The following NTM variants were observed in gnomAD, a reference collection of about 807,000 sequenced individuals.
The protein encoded by NTM is neurotrimin, also known as IgLON family member 2.
A neutral mutation model predicts 42.1 loss-of-function variants in NTM; 13 were observed. That is an observed-to-expected ratio of 0.31 (90% confidence interval 0.20 to 0.49). NTM has a LOEUF of 0.49. NTM is among the 20% of genes least tolerant of loss of function. NTM has a pLI of 0.99. For missense variants in NTM, 373 were observed against 452.8 expected (o/e 0.82, Z 1.60); for synonymous variants, 187 against 179.2 (o/e 1.04, Z -0.35).
intron 2 of NTM, among the ~76,000 whole-genome samples, chr11:132,115,127 G>A (rs961086483): frequency 1.3e-5 from 2 of 152,178 alleles, no homozygotes; most frequent in Non-Finnish European, 2.9e-5. Flanking sequence ...GAGTAGACTA[G>A]TGGTTGCCTA....
At chr11:131,412,704 G>T (rs1946552750) in intron 1 of NTM, among the ~76,000 whole-genome samples, 1 of 152,138 alleles carries the variant, frequency 6.6e-6, no homozygotes, top group Non-Finnish European at 1.5e-5. Context: ...TACAGTATTG[G>T]TGCTTAGCTT....
At chr11:131,397,326 T>A (rs117642747) in intron 1 of NTM, among the ~76,000 whole-genome samples, 11 of 152,112 alleles carry the variant, frequency 7.2e-5, no homozygotes, top group Non-Finnish European at 1.6e-4. Flanking sequence ...AGATAGCAGA[T>A]GCCTCATCAA....
At chr11:131,449,265 G>A (rs937462410) in intron 1 of NTM, among the ~76,000 whole-genome samples, 4 of 152,176 alleles carry the variant, frequency 2.6e-5, no homozygotes, top group Non-Finnish European at 5.9e-5. Flanking sequence ...GGCTGTAGGC[G>A]GGCATGGGTG....
At chr11:132,258,754 A>G (rs952251558) in intron 4 of NTM, among the ~76,000 whole-genome samples, 1 of 152,224 alleles carries the variant, frequency 6.6e-6, no homozygotes, top group South Asian at 2.1e-4. Context: ...ACAAGTAAGC[A>G]GGGACACCAC....
At chr11:132,007,094 G>T (rs1351686032) in intron 2 of NTM, among the ~76,000 whole-genome samples, 1 of 152,304 alleles carries the variant, frequency 6.6e-6, no homozygotes. Flanking sequence ...GATGAAAAAA[G>T]CTCCTCCCTG....
At chr11:131,598,331 C>T (rs971881042) in intron 1 of NTM, among the ~76,000 whole-genome samples, 3 of 152,168 alleles carry the variant, frequency 2.0e-5, no homozygotes, top group East Asian at 3.8e-4. Flanking sequence ...GGTAAATTTC[C>T]GTGTTCCCAA....
At chr11:132,165,445 C>T (rs2075123599) in intron 3 of NTM, among the ~76,000 whole-genome samples, 2 of 152,166 alleles carry the variant, frequency 1.3e-5, no homozygotes, top group Admixed American at 6.5e-5. Context: ...TATTGCCTTC[C>T]TACAGCCTGT....
At chr11:131,775,360 G>A (rs113449634) in intron 1 of NTM, among the ~76,000 whole-genome samples, 7 of 152,236 alleles carry the variant, frequency 4.6e-5, no homozygotes, top group African/African-American at 1.7e-4. Context: ...TTTTTGCTGT[G>A]CATATCACTT....
chr11:131,991,989 CT>C (rs1468319955), intron 2 of NTM, among the ~76,000 whole-genome samples: 1 of 152,162 alleles, frequency 6.6e-6, no homozygotes, highest in Non-Finnish European at 1.5e-5. Context: ...TGGAAACCTA[CT>C]CAATCTAACT....
At chr11:131,864,220 G>T (rs953239614) in intron 1 of NTM, among the ~76,000 whole-genome samples, 1 of 152,204 alleles carries the variant, frequency 6.6e-6, no homozygotes, top group Admixed American at 6.5e-5. Context: ...GGGGAGAAAA[G>T]CAATCCAACG....
At chr11:132,029,957 C>T (rs550139382) in intron 2 of NTM, among the ~76,000 whole-genome samples, 2 of 152,292 alleles carry the variant, frequency 1.3e-5, no homozygotes, top group African/African-American at 2.4e-5. Context: ...TATAACTAAG[C>T]TATCATCCTT....
chr11:131,821,605 A>G (rs2093190952), intron 1 of NTM, among the ~76,000 whole-genome samples: 1 of 152,246 alleles, frequency 6.6e-6, no homozygotes, highest in Non-Finnish European at 1.5e-5. Context: ...AGAATCACGT[A>G]AACAAAGCAA....
At chr11:131,710,157 C>T (rs1023568789) in intron 1 of NTM, among the ~76,000 whole-genome samples, 1 of 152,126 alleles carries the variant, frequency 6.6e-6, no homozygotes, top group Non-Finnish European at 1.5e-5. Context: ...TTCACTGGTG[C>T]CAGATACCAG....
chr11:131,691,978 G>A (rs544357387), intron 1 of NTM, among the ~76,000 whole-genome samples: 45 of 152,346 alleles, frequency 3.0e-4, no homozygotes, highest in African/African-American at 1.0e-3. Flanking sequence ...TCCTGGATGG[G>A]ACTGCGGGCA....
At chr11:132,173,180 G>A (rs914143577) in intron 3 of NTM, among the ~76,000 whole-genome samples, 46 of 152,196 alleles carry the variant, frequency 3.0e-4, no homozygotes, top group African/African-American at 1.0e-3. Context: ...GAGACAACAT[G>A]TAATAATACA....
intron 1 of NTM, among the ~76,000 whole-genome samples, chr11:131,751,173 C>T (rs2082455499): frequency 6.6e-6 from 1 of 152,180 alleles, no homozygotes; most frequent in Non-Finnish European, 1.5e-5. Context: ...AGGTGGCTCA[C>T]ACTTGTAATC....
At chr11:131,764,243 T>G (rs1324329042) in intron 1 of NTM, among the ~76,000 whole-genome samples, 1 of 152,212 alleles carries the variant, frequency 6.6e-6, no homozygotes, top group Non-Finnish European at 1.5e-5. Context: ...CATTTGGTAC[T>G]CAGCAGTGGG....
intron 7 of NTM, among the ~76,000 whole-genome samples, chr11:132,325,074 A>G (rs976587117): frequency 3.9e-5 from 6 of 151,974 alleles, no homozygotes; most frequent in Non-Finnish European, 7.4e-5. Flanking sequence ...ACCCTAGAAG[A>G]AAACCTAGGC....
chr11:131,596,671 G>A (rs780007271), intron 1 of NTM, among the ~76,000 whole-genome samples: 1 of 152,234 alleles, frequency 6.6e-6, no homozygotes, highest in African/African-American at 2.4e-5. Flanking sequence ...CCAAGCCCTC[G>A]AAGGTCTTCT....
Sources: gnomAD v4.1 joint callset for allele counts (sites outside exome capture counted in the v4.1 genomes callset) on GRCh38, gnomAD v4.1.1 for gene constraint, MANE v1.5 for transcripts, NCBI Gene and HGNC (gene_info 2026-07-23, HGNC 2026-07-21) for gene names.